The following MCCC1 variants were observed in gnomAD, a reference collection of about 807,000 sequenced individuals.
MCCC1 encodes methylcrotonyl-CoA carboxylase subunit 1.
Under a neutral mutation model 83.8 loss-of-function variants are expected in MCCC1, and 64 were observed. The ratio of observed to expected loss-of-function variants is 0.76; its 90% confidence interval spans 0.62 to 0.94. The LOEUF (loss-of-function observed/expected upper bound fraction) is 0.94. MCCC1 is among the 40% of genes least tolerant of loss of function. MCCC1 has a pLI of 0.00. For missense variants in MCCC1, 807 were observed against 904.7 expected (o/e 0.89, Z 1.39); for synonymous variants, 322 against 315.4 (o/e 1.02, Z -0.22).
intron 18 of MCCC1, 118 bp downstream of exon 18, chr3:183,017,148 T>G: frequency 1.1e-6 from 1 of 930,274 alleles, no homozygotes; most frequent in Non-Finnish European, 1.7e-6. Context: ...AATTAATGCT[T>G]CGTCAATCAT....
intron 9 of MCCC1, among the ~76,000 whole-genome samples, chr3:183,051,386 C>G (rs1434467618): frequency 6.6e-6 from 1 of 151,968 alleles, no homozygotes; most frequent in Non-Finnish European, 1.5e-5. Flanking sequence ...ATGGAGGAAA[C>G]TTAAATGCAT....
chr3:183,050,576 C>T (rs1024845017), intron 9 of MCCC1, among the ~76,000 whole-genome samples: 8 of 151,690 alleles, frequency 5.3e-5, no homozygotes, highest in South Asian at 2.1e-4. Context: ...TGTGATGGCA[C>T]GTGCCTGTAA....
At chr3:183,095,820 G>A (rs1452080108) in intron 1 of MCCC1, among the ~76,000 whole-genome samples, 13 of 152,192 alleles carry the variant, frequency 8.5e-5, no homozygotes, top group Non-Finnish European at 1.3e-4. Context: ...GTACCTCTCA[G>A]ATTTAAAAGT....
At chr3:183,109,054 C>T (rs1254057457) in intron 1 of MCCC1, among the ~76,000 whole-genome samples, 4 of 152,074 alleles carry the variant, frequency 2.6e-5, no homozygotes, top group East Asian at 1.9e-4. Flanking sequence ...TGCAGTGGCG[C>T]GATCTCGGCT....
intron 1 of MCCC1, among the ~76,000 whole-genome samples, chr3:183,096,953 C>T (rs1395015056): frequency 2.6e-5 from 4 of 152,140 alleles, no homozygotes; most frequent in Non-Finnish European, 4.4e-5. Flanking sequence ...AAGACTGATT[C>T]GGTTTCAAGG....
At chr3:183,112,942 T>A (rs1171681682) in intron 1 of MCCC1, among the ~76,000 whole-genome samples, 2 of 150,640 alleles carry the variant, frequency 1.3e-5, no homozygotes, top group Non-Finnish European at 3.0e-5. Flanking sequence ...AAAAAAAAAA[T>A]TGGCCGGGCA....
chr3:183,025,749 G>T lies in MCCC1; in HGVS notation c.1731+6C>A, dbSNP rs369754994. The T allele has an allele frequency of 8.4e-5, 136 of 1,613,146 alleles. No homozygotes were observed. The African/African-American group carries it at 1.7e-3, about 20-fold the overall frequency. ...TGCACTGTAGAACAAAACCAGTAAG[G>T]CTTACCTGCATGCTATAAGACCCAT... On this transcript the variant is annotated splice_donor_region_variant and intron_variant, in intron 15 of 18. Coordinates refer to ENST00000265594, the MANE Select transcript of MCCC1 (RefSeq NM_020166.5).
chr3:183,035,399 A>G (rs542863440), intron 13 of MCCC1, among the ~76,000 whole-genome samples: 7 of 152,326 alleles, frequency 4.6e-5, no homozygotes, highest in Non-Finnish European at 1.0e-4. Context: ...GAATGAATCT[A>G]AATGAATTCA....
chr3:183,072,291 C>T, intron 5 of MCCC1, 75 bp downstream of exon 5: 1 of 1,550,308 alleles, frequency 6.5e-7, no homozygotes, highest in Non-Finnish European at 8.9e-7. Flanking sequence ...GTATTACAGG[C>T]ATAGCCACAT....
At chr3:183,092,613 G>T (rs555305564) in intron 2 of MCCC1, 68 bp from the exon 3 acceptor site, 2 of 1,593,336 alleles carry the variant, frequency 1.3e-6, no homozygotes, top group Admixed American at 1.7e-5. Context: ...ATGAGAATAC[G>T]ATCTTAACTG....
chr3:183,025,728 CT>C lies in MCCC1; in HGVS notation c.1731+26del, dbSNP rs762864840. The C allele has an allele frequency of 6.8e-6, 11 of 1,606,708 alleles. No homozygotes were observed. In the African/African-American group the frequency reaches 1.3e-4, roughly 20 times the overall value. ...AAAAGCGGTCAGATTCAGCTCTGCA[CT>C]GTAGAACAAAACCAGTAAGGCTTAC... On this transcript the variant is annotated intron_variant, in intron 15 of 18. Coordinates refer to ENST00000265594, the MANE Select transcript of MCCC1 (RefSeq NM_020166.5).
chr3:183,053,078 A>T (rs1158213736), intron 8 of MCCC1, among the ~76,000 whole-genome samples: 2 of 152,324 alleles, frequency 1.3e-5, no homozygotes, highest in African/African-American at 4.8e-5. Context: ...TTATTGGGAC[A>T]AGATGTGGAG....
chr3:183,049,378 T>G (rs551347631), intron 9 of MCCC1, among the ~76,000 whole-genome samples: 2 of 151,986 alleles, frequency 1.3e-5, no homozygotes, highest in Non-Finnish European at 2.9e-5. Context: ...AAGACCATCC[T>G]GGCCAAGATG....
chr3:183,092,146 C>T (rs1342039931), intron 3 of MCCC1, among the ~76,000 whole-genome samples: 2 of 152,096 alleles, frequency 1.3e-5, no homozygotes, highest in Non-Finnish European at 2.9e-5. Context: ...TCAGTGGATC[C>T]GCAACATTCT....
chr3:183,044,217 G>A (rs192855534), intron 10 of MCCC1, among the ~76,000 whole-genome samples: 91 of 152,244 alleles, frequency 6.0e-4, no homozygotes, highest in African/African-American at 2.1e-3. Flanking sequence ...TATCAGGACC[G>A]TCTATATTAC....
At chr3:183,022,363 TCAAA>T (rs1712226172) in intron 16 of MCCC1, 50 bp downstream of exon 16, 1 of 1,595,536 alleles carries the variant, frequency 6.3e-7, no homozygotes, top group South Asian at 1.1e-5. Flanking sequence ...ATGTCTCTGG[TCAAA>T]CAGTTTTCTC....
intron 14 of MCCC1, among the ~76,000 whole-genome samples, chr3:183,030,821 A>G (rs1713003718): frequency 6.6e-6 from 1 of 152,178 alleles, no homozygotes; most frequent in Non-Finnish European, 1.5e-5. Flanking sequence ...CTTTGTATTG[A>G]ATGTATGAAT....
intron 7 of MCCC1, among the ~76,000 whole-genome samples, chr3:183,058,502 G>C (rs1052909062): frequency 1.3e-5 from 2 of 152,032 alleles, no homozygotes; most frequent in Non-Finnish European, 2.9e-5. Context: ...CATGCCTGTA[G>C]TCCTAGCCAC....
intron 4 of MCCC1, among the ~76,000 whole-genome samples, chr3:183,084,946 G>T (rs1560271689): frequency 6.6e-6 from 1 of 152,052 alleles, no homozygotes; most frequent in African/African-American, 2.4e-5. Context: ...TGGGTTGCTA[G>T]GAGGTATGCT....
Sources: allele counts gnomAD v4.1 joint callset (sites outside exome capture counted in the v4.1 genomes callset), GRCh38; gene constraint gnomAD v4.1.1; transcripts MANE v1.5; gene names NCBI Gene and HGNC (gene_info 2026-07-23, HGNC 2026-07-21).